SULT2B1: variants seen among roughly 807,000 people sequenced by gnomAD.
SULT2B1 encodes sulfotransferase family 2B member 1.
A neutral mutation model predicts 33.2 loss-of-function variants in SULT2B1; 16 were observed. The observed-to-expected ratio is 0.48, with a 90% CI of 0.33 to 0.73. The LOEUF is 0.73. SULT2B1 is among the 30% of genes least tolerant of loss of function. The pLI, the probability that SULT2B1 is intolerant of heterozygous loss-of-function variation, is 0.02. For synonymous variants in SULT2B1, 186 were observed against 200.5 expected (o/e 0.93, Z 0.61); for missense variants, 500 against 506.0 (o/e 0.99, Z 0.11).
intron 3 of SULT2B1, 47 bp downstream of exon 3, chr19:48,587,484 A>T: frequency 6.3e-7 from 1 of 1,587,110 alleles, no homozygotes; most frequent in African/African-American, 1.3e-5. Flanking sequence ...GCATGGGTGT[A>T]TGGGGTAATG....
chr19:48,565,917 ATT>A (rs34520151), intron 1 of SULT2B1, among the ~76,000 whole-genome samples: 1 of 143,696 alleles, frequency 7.0e-6, no homozygotes, highest in Non-Finnish European at 1.5e-5. Flanking sequence ...ACACCAGGCT[ATT>A]TTTTTTTTTT....
chr19:48,567,016 G>A (rs1045518871), intron 1 of SULT2B1, among the ~76,000 whole-genome samples: 2 of 151,932 alleles, frequency 1.3e-5, no homozygotes, highest in Non-Finnish European at 2.9e-5. Flanking sequence ...AAAAAAGAGA[G>A]GGAGAGGGAG....
At chr19:48,570,716 CCG>C (rs199977763) in intron 1 of SULT2B1, among the ~76,000 whole-genome samples, 3 of 67,440 alleles carry the variant, frequency 4.4e-5, no homozygotes, top group South Asian at 1.0e-3. Context: ...TTTTTGTTTT[CCG>C]TTTTTGTTTT....
intron 4 of SULT2B1, among the ~76,000 whole-genome samples, chr19:48,592,384 AGAC>A (rs1391090679): frequency 2.6e-5 from 4 of 152,182 alleles, no homozygotes; most frequent in African/African-American, 9.6e-5. Context: ...AAACAGGAGG[AGAC>A]AGGCCCCTGG....
chr19:48,572,157 A>G (rs985927585), intron 1 of SULT2B1, among the ~76,000 whole-genome samples: 1 of 152,118 alleles, frequency 6.6e-6, no homozygotes, highest in African/African-American at 2.4e-5. Context: ...TCAGAGGTTT[A>G]AGGAGGCTGT....
chr19:48,593,030 G>A (rs1973664346), intron 5 of SULT2B1, among the ~76,000 whole-genome samples: 1 of 152,178 alleles, frequency 6.6e-6, no homozygotes, highest in Non-Finnish European at 1.5e-5. Context: ...CGGGGCAGAG[G>A]AGCTGAGGAG....
chr19:48,552,383 G>A lies in SULT2B1; in HGVS notation c.71+60G>A, dbSNP rs1973041381. On this transcript the variant is annotated intron_variant, in intron 1 of 6. Transcript: ENST00000201586. This position sits in a 1 kb window ranked among gnomAD's most constrained non-coding sequence, Gnocchi z 4.8. Reference sequence around the variant, plus strand: ...CCAGGGAGGAGGTGGCTGTTTGGGGGAGCCGGGGACTGTGGCAAGGGTGGC... The same window carrying A: ...CCAGGGAGGAGGTGGCTGTTTGGGGAAGCCGGGGACTGTGGCAAGGGTGGC... 1.3e-6 allele frequency: 2 copies of A among 1,580,576 alleles called. No homozygotes were observed. Among genetic ancestry groups the A allele is most frequent in the South Asian group, 1.1e-5 (1 of 88,444 alleles).
intron 1 of SULT2B1, among the ~76,000 whole-genome samples, chr19:48,562,229 A>C (rs1973191735): frequency 6.6e-6 from 1 of 152,198 alleles, no homozygotes; most frequent in Non-Finnish European, 1.5e-5. Flanking sequence ...TCTACTAAAA[A>C]TACAAAAAAT....
At chr19:48,569,361 AACATATATATATATATATATATAT>A (rs1973288540) in intron 1 of SULT2B1, among the ~76,000 whole-genome samples, 1 of 9,968 alleles carries the variant, frequency 1.0e-4, no homozygotes, top group Non-Finnish European at 1.9e-4. Flanking sequence ...AAAAAAAAAA[AACATATATATATATATATATATAT>A]ATATATATAT....
chr19:48,589,988 T>C (rs954602928), intron 3 of SULT2B1, among the ~76,000 whole-genome samples: 11 of 152,102 alleles, frequency 7.2e-5, no homozygotes, highest in African/African-American at 2.7e-4. Context: ...CTTTCTTTTT[T>C]CTTTTTTTGA....
chr19:48,562,528 G>T (rs952383704), intron 1 of SULT2B1, among the ~76,000 whole-genome samples: 3 of 152,006 alleles, frequency 2.0e-5, no homozygotes, highest in Non-Finnish European at 4.4e-5. Context: ...CTGCAGCCTG[G>T]GTGAAGGAGT....
chr19:48,588,670 G>A (rs2147623458), intron 3 of SULT2B1, among the ~76,000 whole-genome samples: 1 of 151,802 alleles, frequency 6.6e-6, no homozygotes, highest in South Asian at 2.1e-4. Context: ...TTTACATTGG[G>A]GGGAGAGGGC....
chr19:48,568,746 G>A (rs76845350), intron 1 of SULT2B1, among the ~76,000 whole-genome samples: 27 of 152,138 alleles, frequency 1.8e-4, no homozygotes, highest in Non-Finnish European at 3.2e-4. Context: ...GATCACAGAC[G>A]CTGGCAGTGA....
At chr19:48,588,186 G>T (rs989799235) in intron 3 of SULT2B1, among the ~76,000 whole-genome samples, 2 of 147,352 alleles carry the variant, frequency 1.4e-5, no homozygotes, top group African/African-American at 5.2e-5. Flanking sequence ...CTCCAGCCTG[G>T]GAGACAGACC....
At chr19:48,589,471 A>G (rs1473947851) in intron 3 of SULT2B1, among the ~76,000 whole-genome samples, 1 of 152,078 alleles carries the variant, frequency 6.6e-6, no homozygotes, top group East Asian at 1.9e-4. Context: ...TGGCACATAT[A>G]TTCTGTAATT....
At chr19:48,592,456 C>T (rs553872457) in intron 4 of SULT2B1, among the ~76,000 whole-genome samples, 29 of 152,256 alleles carry the variant, frequency 1.9e-4, no homozygotes, top group Non-Finnish European at 3.4e-4. Context: ...TGTCAGAGAC[C>T]CTGGCTTTGG....
chr19:48,594,649 G>C (rs535833801), intron 5 of SULT2B1, among the ~76,000 whole-genome samples: 1 of 152,330 alleles, frequency 6.6e-6, no homozygotes, highest in Non-Finnish European at 1.5e-5. Context: ...ATGAAACCAG[G>C]AGTGACCTGG....
chr19:48,561,778 G>T (rs892833834), intron 1 of SULT2B1, among the ~76,000 whole-genome samples: 1 of 152,100 alleles, frequency 6.6e-6, no homozygotes, highest in African/African-American at 2.4e-5. Flanking sequence ...GGCAGATGTG[G>T]GTGAGATGCT....
chr19:48,596,976 G>A, intron 6 of SULT2B1, 57 bp downstream of exon 6: 1 of 1,488,222 alleles, frequency 6.7e-7, no homozygotes, highest in South Asian at 1.3e-5. Context: ...GTGTGACCTG[G>A]GAGAGTTACT....
Sources: allele counts gnomAD v4.1 joint callset (sites outside exome capture counted in the v4.1 genomes callset), GRCh38; gene constraint gnomAD v4.1.1; non-coding constraint Gnocchi (gnomAD v3.1); transcripts MANE v1.5; gene names NCBI Gene and HGNC (gene_info 2026-07-23, HGNC 2026-07-21).